The following PDZRN3 variants were observed in gnomAD, a reference collection of about 807,000 sequenced individuals.
PDZRN3 encodes PDZ domain containing ring finger 3.
PDZRN3 carries 38 observed loss-of-function variants against 85.7 expected under a neutral mutation model. The observed-to-expected ratio is 0.44, with a 90% CI of 0.34 to 0.58. The LOEUF is 0.58. PDZRN3 is among the 20% of genes least tolerant of loss of function. The pLI is 0.01. For synonymous variants in PDZRN3, 759 were observed against 638.0 expected, an observed-to-expected ratio of 1.19 and a Z score of -2.86; for missense variants, 1,629 against 1,506.4, an observed-to-expected ratio of 1.08 and a Z score of -1.35.
chr3:73,464,217 C>T (rs908395651), intron 3 of PDZRN3, among the ~76,000 whole-genome samples: 8 of 152,148 alleles, frequency 5.3e-5, no homozygotes, highest in African/African-American at 1.9e-4. Context: ...GAACTCCTGA[C>T]CTCATGATCC....
intron 3 of PDZRN3, among the ~76,000 whole-genome samples, chr3:73,578,735 A>G (rs13326116): frequency 0.17 from 25,760 of 151,890 alleles, 2,329 homozygotes; most frequent in African/African-American, 0.24. Context: ...CATTAATCCA[A>G]GTTTGCTTTA....
intron 3 of PDZRN3, among the ~76,000 whole-genome samples, chr3:73,497,814 C>T (rs368127331): frequency 1.3e-5 from 2 of 151,578 alleles, no homozygotes; most frequent in Admixed American, 6.6e-5. Context: ...CGTCCCCGCC[C>T]CCGCCAACAG....
chr3:73,416,872 TTTGG>T (rs1702093796), intron 3 of PDZRN3, among the ~76,000 whole-genome samples: 9 of 73,002 alleles, frequency 1.2e-4, no homozygotes, highest in African/African-American at 4.2e-4. Flanking sequence ...TTTGTTTTTT[TTTGG>T]TTTTTTTTTT....
intron 1 of PDZRN3, among the ~76,000 whole-genome samples, chr3:73,620,151 C>T (rs1559760136): frequency 6.6e-6 from 1 of 152,314 alleles, no homozygotes; most frequent in African/African-American, 2.4e-5. Flanking sequence ...GTTGGCAGTG[C>T]TGATTCAGAA....
chr3:73,614,085 A>G (rs138140035), intron 1 of PDZRN3, among the ~76,000 whole-genome samples: 62 of 152,334 alleles, frequency 4.1e-4, no homozygotes, highest in African/African-American at 1.3e-3. Flanking sequence ...AAGCTTTGCT[A>G]TCATATTTGA....
At chr3:73,508,432 C>G (rs1191055201) in intron 3 of PDZRN3, among the ~76,000 whole-genome samples, 1 of 152,182 alleles carries the variant, frequency 6.6e-6, no homozygotes, top group Admixed American at 6.5e-5. Flanking sequence ...CGAAGTTTCT[C>G]CTTGCAGAAT....
intron 3 of PDZRN3, among the ~76,000 whole-genome samples, chr3:73,565,199 G>T (rs139123469): frequency 0.014 from 2,011 of 148,916 alleles, 26 homozygotes; most frequent in Middle Eastern, 0.04. Flanking sequence ...TGTAATCTCG[G>T]CTCACTGCAA....
chr3:73,528,034 C>T (rs6802838), intron 3 of PDZRN3, among the ~76,000 whole-genome samples: 2,441 of 152,300 alleles, frequency 0.016, 63 homozygotes, highest in African/African-American at 0.055. Context: ...CTGGACAAAT[C>T]GCTCTTGCTG....
At chr3:73,588,878 G>A (rs1702314217) in intron 3 of PDZRN3, among the ~76,000 whole-genome samples, 2 of 152,166 alleles carry the variant, frequency 1.3e-5, no homozygotes. Context: ...CACTTGTTTA[G>A]GTTTGATGAT....
chr3:73,429,775 G>A (rs1702392820), intron 3 of PDZRN3, among the ~76,000 whole-genome samples: 1 of 152,126 alleles, frequency 6.6e-6, no homozygotes, highest in Admixed American at 6.5e-5. Flanking sequence ...GAGGCAAAAG[G>A]ACATCAGCGT....
chr3:73,600,793 C>T (rs1002352009), intron 3 of PDZRN3, among the ~76,000 whole-genome samples: 6 of 152,174 alleles, frequency 3.9e-5, no homozygotes, highest in Admixed American at 3.9e-4. Context: ...ACAATAGTCT[C>T]AGAAAATGTA....
At chr3:73,391,410 T>C (rs1453375840) in intron 5 of PDZRN3, among the ~76,000 whole-genome samples, 1 of 152,224 alleles carries the variant, frequency 6.6e-6, no homozygotes, top group African/African-American at 2.4e-5. Flanking sequence ...GGCAGGGCTT[T>C]TCAAAAACAC....
chr3:73,574,012 G>A (rs1250167248), intron 3 of PDZRN3, among the ~76,000 whole-genome samples: 1 of 152,172 alleles, frequency 6.6e-6, no homozygotes, highest in Non-Finnish European at 1.5e-5. Flanking sequence ...AAAGCATGCA[G>A]CTAGCTTCTT....
chr3:73,514,125 G>A (rs1177798996), intron 3 of PDZRN3, among the ~76,000 whole-genome samples: 1 of 152,148 alleles, frequency 6.6e-6, no homozygotes, highest in Non-Finnish European at 1.5e-5. Context: ...AAGTACTTGT[G>A]TTGTCTTCAG....
At chr3:73,418,912 T>A (rs1702144253) in intron 3 of PDZRN3, among the ~76,000 whole-genome samples, 1 of 152,202 alleles carries the variant, frequency 6.6e-6, no homozygotes, top group South Asian at 2.1e-4. Flanking sequence ...TCTGGGGACT[T>A]GGCCTGGCCA....
At chr3:73,443,321 A>C (rs1272427470) in intron 3 of PDZRN3, among the ~76,000 whole-genome samples, 1 of 151,972 alleles carries the variant, frequency 6.6e-6, no homozygotes, top group Non-Finnish European at 1.5e-5. Context: ...CCAAACTCCA[A>C]CCATCCCCAA....
At chr3:73,449,371 A>G (rs930725488) in intron 3 of PDZRN3, among the ~76,000 whole-genome samples, 1 of 152,110 alleles carries the variant, frequency 6.6e-6, no homozygotes, top group Admixed American at 6.5e-5. Flanking sequence ...GTCTTTAAAA[A>G]AAAAAAGAGA....
At chr3:73,467,964 G>T (rs769655700) in intron 3 of PDZRN3, among the ~76,000 whole-genome samples, 1 of 152,100 alleles carries the variant, frequency 6.6e-6, no homozygotes, top group Non-Finnish European at 1.5e-5. Flanking sequence ...ATTAGGAGCT[G>T]TCATTTATTG....
At chr3:73,563,143 C>T (rs1326661463) in intron 3 of PDZRN3, among the ~76,000 whole-genome samples, 22 of 148,502 alleles carry the variant, frequency 1.5e-4, no homozygotes, top group Non-Finnish European at 2.4e-4. Flanking sequence ...CTCAGCCTCC[C>T]GAGTAGCTGG....
Sources: allele counts gnomAD v4.1 joint callset (sites outside exome capture counted in the v4.1 genomes callset), GRCh38; gene constraint gnomAD v4.1.1; transcripts MANE v1.5; gene names NCBI Gene and HGNC (gene_info 2026-07-23, HGNC 2026-07-21).